SYN3: variants seen among roughly 807,000 people sequenced by gnomAD.
The protein encoded by SYN3 is synapsin-3.
A neutral mutation model predicts 65.8 loss-of-function variants in SYN3; 35 were observed. The ratio of observed to expected loss-of-function variants is 0.53; its 90% confidence interval spans 0.41 to 0.70. The LOEUF (loss-of-function observed/expected upper bound fraction) is 0.70, where lower values mean the gene tolerates loss of function less well. SYN3 is among the 30% of genes least tolerant of loss of function. SYN3 has a pLI of 0.00. For missense variants in SYN3, 680 were observed against 749.0 expected (o/e 0.91, Z 1.08); for synonymous variants, 270 against 292.9 (o/e 0.92, Z 0.80).
At chr22:32,572,369 C>T (rs1240318400) in intron 7 of SYN3, among the ~76,000 whole-genome samples, 2 of 66,966 alleles carry the variant, frequency 3.0e-5, no homozygotes, top group Non-Finnish European at 6.0e-5. Flanking sequence ...TTCCCTTCCA[C>T]CCTCCCTCCC....
intron 6 of SYN3, among the ~76,000 whole-genome samples, chr22:32,819,096 G>C (rs1021340325): frequency 8.5e-4 from 129 of 152,364 alleles, no homozygotes; most frequent in Middle Eastern, 3.4e-3. Flanking sequence ...CTTGGCCAGG[G>C]GGTCACAGGG....
chr22:32,582,017 C>A (rs968491523), intron 7 of SYN3, among the ~76,000 whole-genome samples: 3 of 151,920 alleles, frequency 2.0e-5, no homozygotes, highest in Admixed American at 2.0e-4. Context: ...CCAGGCTGGT[C>A]TTGAACTCCT....
chr22:32,976,181 C>A lies in SYN3; in HGVS notation c.369+4464G>T, dbSNP rs1372538145. ...AGCCTCCCCTGGACAGTTTCCTAAC[C>A]CCATCCCAACCCAATATTACACAAG... On this transcript the variant is annotated intron_variant, in intron 3 of 13. Coordinates refer to ENST00000358763, the MANE Select transcript of SYN3 (RefSeq NM_003490.4). Among the ~76,000 whole-genome samples the A allele has an allele frequency of 2.0e-5, 3 of 152,170 alleles. No individual in the cohort carries two copies. The East Asian group carries it at 5.8e-4, about 29-fold the overall frequency.
At chr22:32,695,003 T>G (rs920396262) in intron 6 of SYN3, among the ~76,000 whole-genome samples, 1 of 152,228 alleles carries the variant, frequency 6.6e-6, no homozygotes, top group Non-Finnish European at 1.5e-5. Context: ...AGCTTTATTT[T>G]TCCTTCAGAA....
At chr22:32,891,116 G>C (rs556302407) in intron 4 of SYN3, among the ~76,000 whole-genome samples, 1 of 152,284 alleles carries the variant, frequency 6.6e-6, no homozygotes, top group East Asian at 1.9e-4. Context: ...CCCTGCTCCA[G>C]TTTCTTAGGT....
intron 6 of SYN3, among the ~76,000 whole-genome samples, chr22:32,626,279 T>C (rs2059665220): frequency 1.3e-5 from 2 of 152,048 alleles, no homozygotes; most frequent in Non-Finnish European, 2.9e-5. Context: ...CACACGCATC[T>C]CTCTGGGCAG....
At chr22:32,734,051 C>T (rs150395400) in intron 6 of SYN3, among the ~76,000 whole-genome samples, 4 of 152,308 alleles carry the variant, frequency 2.6e-5, no homozygotes, top group East Asian at 1.9e-4. Context: ...AACAGACTGT[C>T]TAGGGCCACT....
At chr22:32,726,079 A>G (rs540793203) in intron 6 of SYN3, among the ~76,000 whole-genome samples, 2 of 152,218 alleles carry the variant, frequency 1.3e-5, no homozygotes, top group Non-Finnish European at 2.9e-5. Context: ...TGTGAGGTCT[A>G]GTCTTCATAT....
chr22:32,517,852 C>G (rs2710368), intron 13 of SYN3, among the ~76,000 whole-genome samples, 191 bp downstream of exon 13: 38,913 of 151,954 alleles, frequency 0.26, 6,508 homozygotes, highest in African/African-American at 0.48. Context: ...ACGGTGGTGT[C>G]TAATCTATAC....
chr22:32,976,050 G>T (rs572191887), intron 3 of SYN3, among the ~76,000 whole-genome samples: 1 of 152,280 alleles, frequency 6.6e-6, no homozygotes, highest in East Asian at 1.9e-4. Flanking sequence ...TAAATACGGG[G>T]TCTGAAGTGT....
intron 6 of SYN3, among the ~76,000 whole-genome samples, chr22:32,851,054 G>A (rs1022382207): frequency 2.6e-5 from 4 of 152,186 alleles, no homozygotes; most frequent in Non-Finnish European, 5.9e-5. Context: ...GGCTGCCTAA[G>A]CTTGGTCATG....
At chr22:32,618,463 A>G (rs58291507) in intron 6 of SYN3, among the ~76,000 whole-genome samples, 11,588 of 152,120 alleles carry the variant, frequency 0.076, 572 homozygotes, top group East Asian at 0.2. Flanking sequence ...CTCCTTGATG[A>G]GGTGCTTCCT....
At chr22:32,573,944 T>TA in intron 7 of SYN3, among the ~76,000 whole-genome samples, 1 of 150,948 alleles carries the variant, frequency 6.6e-6, no homozygotes, top group South Asian at 2.1e-4. Flanking sequence ...TAATTTTTTT[T>TA]TTTTTTTTAT....
chr22:32,862,807 A>C (rs2048582560), intron 6 of SYN3: 1 of 152,640 alleles, frequency 6.6e-6, no homozygotes, highest in Non-Finnish European at 1.5e-5. Context: ...CCCTTTAGCC[A>C]GTCTGCTGTC....
chr22:32,982,354 T>C (rs1244795520), intron 2 of SYN3, among the ~76,000 whole-genome samples: 4 of 152,180 alleles, frequency 2.6e-5, no homozygotes, highest in African/African-American at 9.7e-5. Context: ...CTTCCTTCCT[T>C]CTTTCCACAG....
At chr22:32,569,557 C>CTATATATA (rs1401047566) in intron 7 of SYN3, among the ~76,000 whole-genome samples, 18 of 76,632 alleles carry the variant, frequency 2.3e-4, no homozygotes, top group Middle Eastern at 7.2e-3. Flanking sequence ...CTCTCTCTCT[C>CTATATATA]TCTCTCTCTC....
At chr22:32,834,738 T>G (rs943650764) in intron 6 of SYN3, among the ~76,000 whole-genome samples, 1 of 152,156 alleles carries the variant, frequency 6.6e-6, no homozygotes, top group Non-Finnish European at 1.5e-5. Context: ...AGAGGTGCAC[T>G]CCGGGTGGCC....
rs909215796 is a variant in SYN3 at position 32,777,317 on chromosome 22, C to T, written c.711+87598G>A. On this transcript the variant is annotated intron_variant, in intron 6 of 13. Coordinates refer to ENST00000358763, the MANE Select transcript of SYN3 (RefSeq NM_003490.4). ...GAAATTCTTTCTGGTTGGGAGAATC[C>T]TAAAAAGGGGAAACTGGCATATGGG... Among the ~76,000 whole-genome samples, 4 of 152,048 alleles carry T rather than the reference C, an allele frequency of 2.6e-5. No individual in the cohort carries two copies. The South Asian group carries it at 8.3e-4, about 32-fold the overall frequency.
chr22:32,855,984 C>A (rs1272757162), intron 6 of SYN3, among the ~76,000 whole-genome samples: 1 of 152,186 alleles, frequency 6.6e-6, no homozygotes, highest in Non-Finnish European at 1.5e-5. Flanking sequence ...AATGCTTTCA[C>A]CAGACGCTCA....
Sources: allele counts gnomAD v4.1 joint callset (sites outside exome capture counted in the v4.1 genomes callset), GRCh38; gene constraint gnomAD v4.1.1; transcripts MANE v1.5; gene names NCBI Gene and HGNC (gene_info 2026-07-23, HGNC 2026-07-21).